Variants in CNTNAP2 observed in about 807,000 individuals in gnomAD.
The protein encoded by CNTNAP2 is contactin associated protein 2.
CNTNAP2 carries 98 observed loss-of-function variants against 155.2 expected under a neutral mutation model. That is an observed-to-expected ratio of 0.63 (90% confidence interval 0.54 to 0.75). The LOEUF (loss-of-function observed/expected upper bound fraction) is 0.75. CNTNAP2 is among the 30% of genes least tolerant of loss of function. The probability of loss-of-function intolerance (pLI) is 0.00; values close to 1 mark genes in which losing one functional copy is unlikely to be tolerated. For missense variants in CNTNAP2, 1,727 were observed against 1,688.1 expected (o/e 1.02, Z -0.40); for synonymous variants, 651 against 631.2 (o/e 1.03, Z -0.47).
chr7:148,058,777 G>A (rs1308427095), intron 15 of CNTNAP2, among the ~76,000 whole-genome samples: 1 of 152,148 alleles, frequency 6.6e-6, no homozygotes, highest in African/African-American at 2.4e-5. Flanking sequence ...CCATAGAATA[G>A]TTTTTTGTTT....
chr7:147,357,650 C>A (rs1198325869), intron 9 of CNTNAP2, among the ~76,000 whole-genome samples: 1 of 152,126 alleles, frequency 6.6e-6, no homozygotes, highest in Non-Finnish European at 1.5e-5. Flanking sequence ...GTGACTTACT[C>A]TCCTGGACAC....
At chr7:146,287,677 T>C (rs1800358635) in intron 1 of CNTNAP2, among the ~76,000 whole-genome samples, 1 of 152,094 alleles carries the variant, frequency 6.6e-6, no homozygotes, top group Non-Finnish European at 1.5e-5. Context: ...ACTGCCTAAA[T>C]GGGGAGATTA....
At chr7:146,259,629 G>A (rs757516014) in intron 1 of CNTNAP2, among the ~76,000 whole-genome samples, 1 of 152,254 alleles carries the variant, frequency 6.6e-6, no homozygotes, top group Non-Finnish European at 1.5e-5. Context: ...AGGGTATCTG[G>A]TGGAAGAAAT....
At chr7:146,876,952 A>C (rs528400004) in intron 3 of CNTNAP2, among the ~76,000 whole-genome samples, 4 of 152,108 alleles carry the variant, frequency 2.6e-5, no homozygotes, top group Non-Finnish European at 5.9e-5. Context: ...ATATTTCACT[A>C]TTTAGGTTAT....
chr7:147,597,758 G>A (rs1030959835), intron 12 of CNTNAP2, among the ~76,000 whole-genome samples: 1 of 152,148 alleles, frequency 6.6e-6, no homozygotes, highest in Non-Finnish European at 1.5e-5. Flanking sequence ...GGCTGGTTGC[G>A]AGTAAGAGTG....
At chr7:147,516,848 C>CTTTTTTT (rs1221666617) in intron 11 of CNTNAP2, among the ~76,000 whole-genome samples, 33 of 112,612 alleles carry the variant, frequency 2.9e-4, no homozygotes, top group African/African-American at 1.1e-3. Context: ...TCTTTCTTTT[C>CTTTTTTT]TTTTTTTTTT....
At chr7:147,551,111 G>C (rs1247582968) in intron 11 of CNTNAP2, among the ~76,000 whole-genome samples, 1 of 152,094 alleles carries the variant, frequency 6.6e-6, no homozygotes, top group Non-Finnish European at 1.5e-5. Context: ...AAATATGTAG[G>C]CTTTCTTGTT....
Position 148,415,610 on chromosome 7 carries a change from C to T in CNTNAP2, c.3990C>T (p.Leu1330=), listed in dbSNP as rs1057522590. 21 of 1,614,078 alleles carry T rather than the reference C, an allele frequency of 1.3e-5. 1 individual carries two copies. The East Asian group carries it at 4.5e-4, about 34-fold the overall frequency. ...ETIDESKKEW[L]I ...TTGATGAAAGCAAAAAGGAATGGCTCATTTGAGGGGTGGCTACTTGGCTAT... is the reference window on the plus strand; with the variant it reads ...TTGATGAAAGCAAAAAGGAATGGCTTATTTGAGGGGTGGCTACTTGGCTAT... Residue 1330 remains leucine, a synonymous_variant, in exon 24 of 24, where the codon CTC becomes CTT. Coordinates refer to ENST00000361727, the MANE Select transcript of CNTNAP2 (RefSeq NM_014141.6).
At position 147,000,952 on chromosome 7, in the gene CNTNAP2, C is replaced by T. The variant is rs1798410772; in HGVS notation, c.403-42955C>T. 1.3e-5 allele frequency among the ~76,000 whole-genome samples: 2 copies of T among 152,110 alleles called. 1 individual carries two copies. Among genetic ancestry groups the T allele is most frequent in the South Asian group, 4.1e-4 (2 of 4,828 alleles). On this transcript the variant is annotated intron_variant, in intron 3 of 23. Transcript: ENST00000361727. ...ATGGTGGGTCTAAAGGATCAGGCTACAGATACCAGGCTAAAATCAGAGATC... is the reference window on the plus strand; with the variant it reads ...ATGGTGGGTCTAAAGGATCAGGCTATAGATACCAGGCTAAAATCAGAGATC...
intron 1 of CNTNAP2, among the ~76,000 whole-genome samples, chr7:146,762,931 TGTG>T (rs1802128978): frequency 6.6e-6 from 1 of 152,114 alleles, no homozygotes; most frequent in Admixed American, 6.6e-5. Context: ...TCCCATGACA[TGTG>T]GGAATTATGG....
intron 16 of CNTNAP2, among the ~76,000 whole-genome samples, chr7:148,142,903 G>A (rs886070578): frequency 6.6e-6 from 1 of 152,178 alleles, no homozygotes; most frequent in African/African-American, 2.4e-5. Context: ...CCATGGTTTT[G>A]TCCCAATCAT....
intron 3 of CNTNAP2, among the ~76,000 whole-genome samples, chr7:146,851,606 C>A (rs1794878316): frequency 6.6e-6 from 1 of 151,488 alleles, no homozygotes; most frequent in South Asian, 2.1e-4. Context: ...CCTTGGCTCG[C>A]AGGTGGTTAT....
At chr7:147,256,516 T>C (rs963652198) in intron 8 of CNTNAP2, among the ~76,000 whole-genome samples, 4 of 152,118 alleles carry the variant, frequency 2.6e-5, no homozygotes, top group Non-Finnish European at 4.4e-5. Flanking sequence ...AAAAGCCCCT[T>C]GAGTCCAGAA....
At chr7:147,282,454 C>A in intron 8 of CNTNAP2, among the ~76,000 whole-genome samples, 1 of 151,800 alleles carries the variant, frequency 6.6e-6, no homozygotes, top group Non-Finnish European at 1.5e-5. Context: ...AATCTTCAAG[C>A]TAATTTAAGC....
At chr7:147,412,059 A>G (rs907660847) in intron 10 of CNTNAP2, among the ~76,000 whole-genome samples, 4 of 152,220 alleles carry the variant, frequency 2.6e-5, no homozygotes, top group African/African-American at 9.6e-5. Flanking sequence ...TCAAGAGTGA[A>G]GATGATCCAG....
intron 1 of CNTNAP2, among the ~76,000 whole-genome samples, chr7:146,215,627 TA>T (rs34849645): frequency 0.079 from 11,956 of 151,472 alleles, 548 homozygotes; most frequent in Middle Eastern, 0.14. Context: ...AATATATATA[TA>T]TTTTTTTACT....
intron 1 of CNTNAP2, among the ~76,000 whole-genome samples, chr7:146,121,446 A>G (rs946169282): frequency 2.0e-5 from 3 of 152,156 alleles, no homozygotes; most frequent in Admixed American, 1.3e-4. Context: ...TTCTTAATTC[A>G]AATGTGCTTT....
intron 9 of CNTNAP2, among the ~76,000 whole-genome samples, chr7:147,371,696 A>G (rs1380035611): frequency 6.6e-6 from 1 of 152,138 alleles, no homozygotes; most frequent in Non-Finnish European, 1.5e-5. Flanking sequence ...AGTGAGGCTC[A>G]TTCGATGTTG....
intron 3 of CNTNAP2, among the ~76,000 whole-genome samples, chr7:146,933,662 T>C (rs1350390008): frequency 1.4e-5 from 2 of 147,448 alleles, no homozygotes; most frequent in Admixed American, 6.7e-5. Flanking sequence ...ACCTACAAAA[T>C]GGGAGAAAAT....
Sources: gnomAD v4.1 joint callset for allele counts (sites outside exome capture counted in the v4.1 genomes callset) on GRCh38, gnomAD v4.1.1 for gene constraint, MANE v1.5 for transcripts, NCBI Gene and HGNC (gene_info 2026-07-23, HGNC 2026-07-21) for gene names.